Variants in HECW1 observed in about 807,000 individuals in gnomAD.
The protein encoded by HECW1 is E3 ubiquitin-protein ligase HECW1.
In HECW1, 61 loss-of-function variants were observed where a neutral mutation model predicts 182.3. The ratio of observed to expected loss-of-function variants is 0.33; its 90% CI spans 0.27 to 0.41. The LOEUF (loss-of-function observed/expected upper bound fraction) is 0.41, where lower values mean the gene tolerates loss of function less well. Ranked by LOEUF, HECW1 falls within the 10% of genes least tolerant of loss-of-function variation. HECW1 has a pLI of 1.00. For missense variants in HECW1, 1,739 were observed against 2,108.9 expected, an observed-to-expected ratio of 0.82 and a Z score of 3.44; for synonymous variants, 859 against 832.6, an observed-to-expected ratio of 1.03 and a Z score of -0.55.
At chr7:43,430,082 A>G (rs1269678185) in intron 8 of HECW1, among the ~76,000 whole-genome samples, 1 of 152,198 alleles carries the variant, frequency 6.6e-6, no homozygotes, top group Non-Finnish European at 1.5e-5. Context: ...CCTTTTCTGA[A>G]TTTCATAAAT....
chr7:43,344,523 T>G (rs1312203251), intron 5 of HECW1, among the ~76,000 whole-genome samples: 1 of 152,066 alleles, frequency 6.6e-6, no homozygotes, highest in Non-Finnish European at 1.5e-5. Flanking sequence ...GTCTTTTTTT[T>G]TTTCTCTGAT....
At chr7:43,250,578 A>C (rs1255004064) in intron 3 of HECW1, among the ~76,000 whole-genome samples, 8 of 152,138 alleles carry the variant, frequency 5.3e-5, no homozygotes, top group Middle Eastern at 3.2e-3. Context: ...AAGGTGGAGA[A>C]GAGAGCGCCA....
chr7:43,143,186 G>A (rs1788349934), intron 2 of HECW1, among the ~76,000 whole-genome samples: 1 of 152,156 alleles, frequency 6.6e-6, no homozygotes, highest in Admixed American at 6.5e-5. Flanking sequence ...GGCCAGACTG[G>A]TCGTGAACTC....
At chr7:43,403,983 G>A (rs778238514) in intron 7 of HECW1, among the ~76,000 whole-genome samples, 5 of 151,960 alleles carry the variant, frequency 3.3e-5, no homozygotes, top group Non-Finnish European at 7.4e-5. Flanking sequence ...CTCCTTTAAC[G>A]TAGCATTTAC....
chr7:43,191,700 A>G (rs1793931881), intron 2 of HECW1, among the ~76,000 whole-genome samples: 1 of 152,238 alleles, frequency 6.6e-6, no homozygotes, highest in Non-Finnish European at 1.5e-5. Flanking sequence ...CTCCTGTGGC[A>G]TACAAACCAC....
At chr7:43,390,460 G>C (rs533264875) in intron 6 of HECW1, among the ~76,000 whole-genome samples, 1 of 150,176 alleles carries the variant, frequency 6.7e-6, no homozygotes, top group East Asian at 2.0e-4. Flanking sequence ...AGGACCACTT[G>C]AGTCTAGGAA....
intron 5 of HECW1, among the ~76,000 whole-genome samples, chr7:43,346,882 T>G (rs1813759135): frequency 1.3e-5 from 2 of 152,198 alleles, no homozygotes. Flanking sequence ...CCATGCTGTT[T>G]TGGTGACTAT....
At chr7:43,390,480 G>T (rs1352684890) in intron 6 of HECW1, among the ~76,000 whole-genome samples, 2 of 150,150 alleles carry the variant, frequency 1.3e-5, no homozygotes, top group Admixed American at 6.7e-5. Context: ...AGTCAAAGCT[G>T]CAGTGAGCTA....
chr7:43,383,947 A>C (rs1051767672), intron 6 of HECW1, among the ~76,000 whole-genome samples: 3 of 152,226 alleles, frequency 2.0e-5, no homozygotes, highest in African/African-American at 7.2e-5. Flanking sequence ...TTTGCTAGTC[A>C]TTAAGTGGAA....
chr7:43,538,212 G>A (rs958691805), intron 24 of HECW1, among the ~76,000 whole-genome samples: 2 of 152,290 alleles, frequency 1.3e-5, no homozygotes, highest in Non-Finnish European at 1.5e-5. Context: ...GGAGGTGTTG[G>A]CAGTGAGAGA....
chr7:43,431,787 G>A (rs935678747), intron 8 of HECW1, among the ~76,000 whole-genome samples: 16 of 152,064 alleles, frequency 1.1e-4, no homozygotes, highest in Non-Finnish European at 2.2e-4. Context: ...GTTCCCCAAG[G>A]GACTCATGTA....
At chr7:43,220,793 C>A (rs1049611174) in intron 2 of HECW1, among the ~76,000 whole-genome samples, 1 of 152,214 alleles carries the variant, frequency 6.6e-6, no homozygotes, top group South Asian at 2.1e-4. Flanking sequence ...ATCCCTTCCA[C>A]CCCCATGGCC....
intron 6 of HECW1, among the ~76,000 whole-genome samples, chr7:43,383,457 T>G (rs1272143204): frequency 6.6e-6 from 1 of 152,238 alleles, no homozygotes; most frequent in Non-Finnish European, 1.5e-5. Context: ...GTTTCCTGAC[T>G]TTTTAATAAT....
intron 8 of HECW1, among the ~76,000 whole-genome samples, chr7:43,422,368 G>GTT (rs56093938): frequency 7.9e-6 from 1 of 126,622 alleles, no homozygotes. Flanking sequence ...GGTTGTTGTT[G>GTT]TTTTTTTTTT....
At chr7:43,116,773 G>T (rs187062835) in intron 2 of HECW1, among the ~76,000 whole-genome samples, 63 of 152,310 alleles carry the variant, frequency 4.1e-4, no homozygotes, top group Admixed American at 2.2e-3. Flanking sequence ...AGTATGAAAT[G>T]CTCTGTGGGG....
In HECW1 at chr7:43,196,595, T is replaced by C. The variant is rs112114163; in HGVS notation, c.-31-47280T>C. Reference sequence around the variant, plus strand: ...TGAATCTCTTGCCTCATTGATTTAATGCCCTCAGGATGAGTGCAGTGGGCC... The same window carrying C: ...TGAATCTCTTGCCTCATTGATTTAACGCCCTCAGGATGAGTGCAGTGGGCC... On this transcript the variant is annotated intron_variant, in intron 2 of 29. Coordinates refer to ENST00000395891, the MANE Select transcript of HECW1 (RefSeq NM_015052.5). Among the ~76,000 whole-genome samples, 360 of 152,308 alleles carry C rather than the reference T, an allele frequency of 2.4e-3. 1 individual carries two copies. The highest frequency in any genetic ancestry group is 8.3e-3 in the African/African-American group (343 of 41,574).
In HECW1 at chr7:43,560,369, G is replaced by A. The variant is rs1411202737; in HGVS notation, c.4710-1446G>A. 2.6e-5 allele frequency among the ~76,000 whole-genome samples: 4 copies of A among 152,284 alleles called. No homozygotes were observed. The East Asian group carries it at 7.7e-4, about 29-fold the overall frequency. ...GAATTCTGCCAATCTGTATTCGTAT[G>A]TTTCTTCCCAGTTATGTCTTTAAGG... On this transcript the variant is annotated intron_variant, in intron 29 of 29. Transcript: ENST00000395891.
chr7:43,163,665 T>C (rs1790790952), intron 2 of HECW1, among the ~76,000 whole-genome samples: 1 of 152,032 alleles, frequency 6.6e-6, no homozygotes, highest in African/African-American at 2.4e-5. Flanking sequence ...GGGAAAGAGT[T>C]GCCCCAGGTT....
intron 8 of HECW1, among the ~76,000 whole-genome samples, chr7:43,427,433 A>G (rs1037639408): frequency 6.6e-6 from 1 of 152,220 alleles, no homozygotes; most frequent in Non-Finnish European, 1.5e-5. Flanking sequence ...TCAACATCAC[A>G]TAGAAACAAG....
Sources: gnomAD v4.1 joint callset for allele counts (sites outside exome capture counted in the v4.1 genomes callset) on GRCh38, gnomAD v4.1.1 for gene constraint, MANE v1.5 for transcripts, NCBI Gene and HGNC (gene_info 2026-07-23, HGNC 2026-07-21) for gene names.